The following KAT7 variants were observed in gnomAD, a reference collection of about 807,000 sequenced individuals.
KAT7 encodes the protein lysine acetyltransferase 7.
Under a neutral mutation model 82.1 loss-of-function variants are expected in KAT7, and 10 were observed. That is an observed-to-expected ratio of 0.12 (90% CI 0.08 to 0.21). The LOEUF is 0.21. KAT7 is among the 10% of genes least tolerant of loss of function. The pLI, the probability that KAT7 is intolerant of heterozygous loss-of-function variation, is 1.00. For synonymous variants in KAT7, 250 were observed against 262.5 expected, an observed-to-expected ratio of 0.95 and a Z score of 0.46; for missense variants, 378 against 760.9, an observed-to-expected ratio of 0.50 and a Z score of 5.92.
intron 9 of KAT7, among the ~76,000 whole-genome samples, chr17:49,819,206 T>C (rs2074272220): frequency 1.3e-5 from 2 of 152,168 alleles, no homozygotes; most frequent in African/African-American, 4.8e-5. Context: ...TGGTGATAAC[T>C]GCTTTTTTAT....
In KAT7 at chr17:49,829,401, T is replaced by C. The variant is rs2074404161; in HGVS notation, c.*1899T>C. ...TTCACTAAGTGCCATTTTCCACTGA[T>C]TTTAGGGGCAAAGGAACCAATAGGA... On this transcript the variant is annotated 3_prime_UTR_variant, in exon 15 of 15. Coordinates refer to ENST00000259021, the MANE Select transcript of KAT7 (RefSeq NM_007067.5). The C allele has an allele frequency of 6.6e-6, 1 of 152,210 alleles. No homozygotes were observed. Among genetic ancestry groups the C allele is most frequent in the Non-Finnish European group, 1.5e-5 (1 of 68,040 alleles). 9.4% of individuals were successfully genotyped at this position (152,210 alleles called of 1,614,324 possible).
chr17:49,821,220 T>C, intron 9 of KAT7, 117 bp from the exon 10 acceptor site: 1 of 673,952 alleles, frequency 1.5e-6, no homozygotes, highest in South Asian at 1.9e-5. Flanking sequence ...GTTCTCAGCT[T>C]GTCCAACTGT....
At chr17:49,789,051 C>T (rs1330908746) in intron 1 of KAT7, 3 of 431,810 alleles carry the variant, frequency 6.9e-6, no homozygotes, top group East Asian at 3.6e-5. Flanking sequence ...ACTATTCCCG[C>T]CCTCTGCTTG....
intron 4 of KAT7, among the ~76,000 whole-genome samples, chr17:49,800,544 A>G (rs894786162): frequency 8.5e-5 from 13 of 152,206 alleles, no homozygotes; most frequent in Non-Finnish European, 1.5e-4. Context: ...CCATGCATCA[A>G]GAAAAGGAAT....
chr17:49,793,895 T>G (rs1328702877), intron 2 of KAT7, among the ~76,000 whole-genome samples: 2 of 152,242 alleles, frequency 1.3e-5, no homozygotes, highest in East Asian at 3.9e-4. Flanking sequence ...TATATGAGTA[T>G]GTTGCACAAT....
chr17:49,799,273 C>T (rs1345624652), intron 4 of KAT7, among the ~76,000 whole-genome samples: 1 of 152,142 alleles, frequency 6.6e-6, no homozygotes, highest in African/African-American at 2.4e-5. Context: ...ACTACTGGGT[C>T]TACTTCTCAA....
intron 2 of KAT7, among the ~76,000 whole-genome samples, chr17:49,792,909 T>C (rs1218008972): frequency 1.3e-5 from 2 of 152,150 alleles, no homozygotes; most frequent in Non-Finnish European, 2.9e-5. Flanking sequence ...CCTCCTTGGC[T>C]CAAGTGATCC....
chr17:49,799,265 T>C (rs2143869240), intron 4 of KAT7, among the ~76,000 whole-genome samples: 1 of 152,320 alleles, frequency 6.6e-6, no homozygotes, highest in Middle Eastern at 3.4e-3. Flanking sequence ...GGCCTTTCAC[T>C]ACTGGGTCTA....
Position 49,831,959 on chromosome 17 carries a change from AT to A in KAT7, c.*4471del, listed in dbSNP as rs754906646. 581 of 132,524 alleles carry A rather than the reference AT, an allele frequency of 4.4e-3. 2 individuals carry two copies. Among genetic ancestry groups the A allele is most frequent in the Middle Eastern group, 9.0e-3 (2 of 222 alleles). 8.2% of individuals were successfully genotyped at this position (132,524 alleles called of 1,614,324 possible). On this transcript the variant is annotated 3_prime_UTR_variant, in exon 15 of 15. Transcript: ENST00000259021. ...CAGGCGTGAGCCATTGCACCCAGCC[AT>A]TTTTTTTTTTTTTAAGACGACGTCT...
chr17:49,814,776 A>G (rs576128329), intron 7 of KAT7, among the ~76,000 whole-genome samples: 2 of 152,150 alleles, frequency 1.3e-5, no homozygotes, highest in Admixed American at 1.3e-4. Context: ...CCCAAATCTT[A>G]GATGATAGAG....
intron 4 of KAT7, among the ~76,000 whole-genome samples, chr17:49,800,875 A>G (rs2074016470): frequency 6.6e-6 from 1 of 152,160 alleles, no homozygotes; most frequent in African/African-American, 2.4e-5. Context: ...TGTGACATAT[A>G]TATGTAGTTG....
intron 4 of KAT7, among the ~76,000 whole-genome samples, chr17:49,801,117 C>T (rs916279680): frequency 6.6e-6 from 1 of 152,146 alleles, no homozygotes; most frequent in Admixed American, 6.5e-5. Context: ...AGGAGTTAAC[C>T]TCTTAATGGG....
chr17:49,833,465 C>T lies in KAT7; in HGVS notation c.*5963C>T, dbSNP rs2074440034. ...TCATCCTCTGTGCACGTGCTATTTC[C>T]AATAAGGTCTATTTTTTTCTACAGT... On this transcript the variant is annotated 3_prime_UTR_variant, in exon 15 of 15. Coordinates refer to ENST00000259021, the MANE Select transcript of KAT7 (RefSeq NM_007067.5). The T allele has an allele frequency of 6.6e-6, 1 of 152,176 alleles. No homozygotes were observed. Among genetic ancestry groups the T allele is most frequent in the Admixed American group, 6.5e-5 (1 of 15,276 alleles). 9.4% of individuals were successfully genotyped at this position (152,176 alleles called of 1,614,324 possible).
In KAT7 at chr17:49,821,756, A is replaced by T; in HGVS notation, c.1352A>T (p.Asn451Ile). 5.0e-6 allele frequency: 8 copies of T among 1,614,018 alleles called. No individual in the cohort carries two copies. Among genetic ancestry groups the T allele is most frequent in the Non-Finnish European group, 6.8e-6 (8 of 1,179,924 alleles). Residue 451 changes from asparagine (N) to isoleucine (I), a missense_variant, in exon 11 of 15, where the codon AAC becomes ATC. Transcript: ENST00000259021. Reference protein sequence around the residue: ...FLFYVMTEADNTGCHLIGYFS... With the variant: ...FLFYVMTEADITGCHLIGYFS... The stretch of plus-strand genomic sequence containing the variant: ...TTCTATGTTATGACAGAGGCGGACA[A>T]CACTGGCTGTCACCTGATTGGATAT...
chr17:49,817,448 A>G (rs2074247929), intron 8 of KAT7, among the ~76,000 whole-genome samples: 3 of 152,210 alleles, frequency 2.0e-5, no homozygotes, highest in Admixed American at 2.0e-4. Flanking sequence ...GCGTGGTGGC[A>G]TGCACACACA....
chr17:49,807,219 T>C (rs1404820688), intron 5 of KAT7, among the ~76,000 whole-genome samples: 2 of 152,096 alleles, frequency 1.3e-5, no homozygotes, highest in Non-Finnish European at 2.9e-5. Context: ...TTTTGTGTAG[T>C]GATAAATATT....
At chr17:49,812,531 A>T (rs2074180689) in intron 7 of KAT7, among the ~76,000 whole-genome samples, 1 of 151,934 alleles carries the variant, frequency 6.6e-6, no homozygotes, top group South Asian at 2.1e-4. Flanking sequence ...GGCCTTAAAC[A>T]TCTTTTTTTA....
In KAT7 at chr17:49,796,904, A is replaced by G; in HGVS notation, c.318A>G (p.Gln106=). The G allele has an allele frequency of 5.0e-6, 8 of 1,614,122 alleles. No individual in the cohort carries two copies. Among genetic ancestry groups the G allele is most frequent in the Non-Finnish European group, 6.8e-6 (8 of 1,180,004 alleles). ...GTTCATCTGGTTCAGAAACTGAGCA[A>G]GTGGTTGATTTTTCAGATAGAGGTG... ...QTRSSGSETE[Q]VVDFSDRETK... The change falls in exon 3 of 15, where the codon CAA becomes CAG. Residue 106 remains glutamine, a synonymous_variant. Transcript: ENST00000259021.
intron 4 of KAT7, among the ~76,000 whole-genome samples, chr17:49,799,592 G>T (rs925524851): frequency 6.6e-6 from 1 of 152,176 alleles, no homozygotes; most frequent in Non-Finnish European, 1.5e-5. Flanking sequence ...GGTCAGGCTG[G>T]TCTCGAACTC....
Sources: gnomAD v4.1 joint callset for allele counts (sites outside exome capture counted in the v4.1 genomes callset) on GRCh38, gnomAD v4.1.1 for gene constraint, MANE v1.5 for transcripts, NCBI Gene and HGNC (gene_info 2026-07-23, HGNC 2026-07-21) for gene names.